Variants in TRDN observed in about 807,000 individuals in gnomAD.
TRDN encodes the protein triadin in skeletal muscle.
Under a neutral mutation model 149.7 loss-of-function variants are expected in TRDN, and 161 were observed. The ratio of observed to expected loss-of-function variants is 1.08; its 90% CI spans 0.95 to 1.23. The LOEUF (loss-of-function observed/expected upper bound fraction) is 1.23, where lower values mean the gene tolerates loss of function less well. Ranked by LOEUF, TRDN falls within the 50% of genes most tolerant of loss-of-function variation. The pLI, the probability that TRDN is intolerant of heterozygous loss-of-function variation, is 0.00. For missense variants in TRDN, 896 were observed against 823.5 expected (o/e 1.09, Z -1.08); for synonymous variants, 294 against 250.5 (o/e 1.17, Z -1.64).
chr6:123,477,367 C>A (rs1777538551), intron 9 of TRDN, among the ~76,000 whole-genome samples: 1 of 146,994 alleles, frequency 6.8e-6, no homozygotes, highest in Non-Finnish European at 1.5e-5. Flanking sequence ...GAGATACCAT[C>A]TCACACCAGT....
At chr6:123,305,026 T>C (rs971234177) in intron 24 of TRDN, among the ~76,000 whole-genome samples, 2 of 152,152 alleles carry the variant, frequency 1.3e-5, no homozygotes, top group African/African-American at 4.8e-5. Flanking sequence ...TTTATGGCAA[T>C]ATGGTTATTT....
intron 21 of TRDN, among the ~76,000 whole-genome samples, chr6:123,346,074 G>GGC (rs1217369882): frequency 1.3e-5 from 2 of 151,950 alleles, no homozygotes; most frequent in Non-Finnish European, 2.9e-5. Context: ...TTGATGAAGG[G>GGC]GCGTGAAAGC....
At chr6:123,520,191 T>G (rs1457425226) in intron 5 of TRDN, among the ~76,000 whole-genome samples, 1 of 152,250 alleles carries the variant, frequency 6.6e-6, no homozygotes, top group South Asian at 2.1e-4. Context: ...ATGAACTTAA[T>G]AGAAATGCAA....
At chr6:123,502,735 C>A (rs1191396799) in intron 8 of TRDN, 3 of 984,344 alleles carry the variant, frequency 3.0e-6, no homozygotes, top group Admixed American at 1.2e-4. Flanking sequence ...GAAACCAATT[C>A]TTTGATACAG....
intron 12 of TRDN, chr6:123,418,514 C>A (rs1296147206): frequency 1.3e-5 from 2 of 152,170 alleles, no homozygotes; most frequent in Non-Finnish European, 2.9e-5. Context: ...TCATCCCAAA[C>A]ACTGGCACCC....
At chr6:123,465,996 G>A (rs1050962728) in intron 9 of TRDN, among the ~76,000 whole-genome samples, 2 of 152,172 alleles carry the variant, frequency 1.3e-5, no homozygotes, top group Middle Eastern at 3.2e-3. Context: ...TCGGGCCTAG[G>A]CCCTCATGCC....
intron 9 of TRDN, among the ~76,000 whole-genome samples, chr6:123,494,227 T>C (rs1055132473): frequency 1.1e-4 from 16 of 152,178 alleles, no homozygotes; most frequent in Admixed American, 2.0e-4. Flanking sequence ...AGGTCTGAAC[T>C]TAGGACTTTT....
intron 4 of TRDN, among the ~76,000 whole-genome samples, chr6:123,537,866 C>A (rs565862283): frequency 1.3e-5 from 2 of 152,094 alleles, no homozygotes; most frequent in Admixed American, 6.6e-5. Context: ...TGCTTATGAT[C>A]GTTTTTATCT....
intron 1 of TRDN, among the ~76,000 whole-genome samples, chr6:123,613,525 C>CT (rs202216991): frequency 1.3e-5 from 2 of 151,338 alleles, no homozygotes; most frequent in Non-Finnish European, 3.0e-5. Context: ...TTAGTTGAAA[C>CT]TTTTTTTTTA....
chr6:123,624,730 AT>A (rs530821221), intron 1 of TRDN, among the ~76,000 whole-genome samples: 48 of 151,538 alleles, frequency 3.2e-4, no homozygotes, highest in African/African-American at 6.8e-4. Context: ...GACAGTTGGT[AT>A]TTTTTTTTAT....
At chr6:123,356,460 C>T (rs1401322751) in intron 20 of TRDN, among the ~76,000 whole-genome samples, 1 of 141,138 alleles carries the variant, frequency 7.1e-6, no homozygotes, top group Non-Finnish European at 1.5e-5. Flanking sequence ...ACTTAATCTG[C>T]TAATATTTTG....
intron 21 of TRDN, chr6:123,350,263 A>T: frequency 1.0e-6 from 1 of 961,618 alleles, no homozygotes; most frequent in African/African-American, 1.8e-5. Context: ...TTCTGTAATA[A>T]AACTTTCAAC....
chr6:123,509,603 C>T (rs1779078154), intron 7 of TRDN: 1 of 152,076 alleles, frequency 6.6e-6, no homozygotes, highest in Non-Finnish European at 1.5e-5. Flanking sequence ...GGTGCTTCCT[C>T]AGTTGAAACT....
chr6:123,278,878 C>T (rs1214435843), intron 25 of TRDN, among the ~76,000 whole-genome samples, 178 bp downstream of exon 25: 1 of 152,120 alleles, frequency 6.6e-6, no homozygotes, highest in East Asian at 1.9e-4. Context: ...TTTGGTATAG[C>T]ATTTTCTCAG....
At chr6:123,341,196 A>G (rs977126092) in intron 21 of TRDN, among the ~76,000 whole-genome samples, 1 of 151,772 alleles carries the variant, frequency 6.6e-6, no homozygotes, top group African/African-American at 2.4e-5. Flanking sequence ...TGCTTTATGT[A>G]ACAGTAAATT....
intron 12 of TRDN, among the ~76,000 whole-genome samples, chr6:123,416,107 C>A (rs963167368): frequency 6.6e-6 from 1 of 152,144 alleles, no homozygotes; most frequent in South Asian, 2.1e-4. Context: ...ACAGCAGTGT[C>A]ACTAAAGTTA....
chr6:123,319,097 T>C (rs1266032316), intron 23 of TRDN, among the ~76,000 whole-genome samples: 25 of 152,196 alleles, frequency 1.6e-4, no homozygotes, highest in Non-Finnish European at 1.3e-4. Flanking sequence ...CATTCTGTCA[T>C]TGCTAAAATG....
intron 12 of TRDN, among the ~76,000 whole-genome samples, chr6:123,394,731 T>G (rs1469755596): frequency 1.3e-5 from 2 of 152,188 alleles, no homozygotes; most frequent in East Asian, 3.8e-4. Context: ...AATGCTAATT[T>G]TATTTGTTGT....
chr6:123,593,512 GA>G (rs1357592882), intron 1 of TRDN, among the ~76,000 whole-genome samples: 1 of 152,322 alleles, frequency 6.6e-6, no homozygotes, highest in East Asian at 1.9e-4. Context: ...GGAGGAAGCG[GA>G]AGTCTGAAAT....
Sources: allele counts gnomAD v4.1 joint callset (sites outside exome capture counted in the v4.1 genomes callset), GRCh38; gene constraint gnomAD v4.1.1; transcripts MANE v1.5; gene names NCBI Gene and HGNC (gene_info 2026-07-23, HGNC 2026-07-21).